The following SNTG1 variants were observed in gnomAD, a reference collection of about 807,000 sequenced individuals.
SNTG1 encodes the protein syntrophin gamma 1, also known as gamma-1-syntrophin.
In SNTG1, 39 loss-of-function variants were observed where a neutral mutation model predicts 74.7. That is an observed-to-expected ratio of 0.52 (90% CI 0.40 to 0.68). SNTG1 has a LOEUF of 0.68. Ranked by LOEUF, SNTG1 falls within the 30% of genes least tolerant of loss-of-function variation. SNTG1 has a pLI of 0.00. For synonymous variants in SNTG1, 254 were observed against 217.1 expected (o/e 1.17, Z -1.49); for missense variants, 685 against 609.5 (o/e 1.12, Z -1.30).
intron 15 of SNTG1, among the ~76,000 whole-genome samples, chr8:50,665,126 C>T (rs911658111): frequency 6.6e-6 from 1 of 151,960 alleles, no homozygotes; most frequent in Admixed American, 6.6e-5. Flanking sequence ...TACAGTCACA[C>T]TGATATTCAT....
At chr8:50,749,875 T>C (rs2095563329) in intron 17 of SNTG1, among the ~76,000 whole-genome samples, 1 of 152,064 alleles carries the variant, frequency 6.6e-6, no homozygotes, top group South Asian at 2.1e-4. Flanking sequence ...AGGAGGCTAA[T>C]GTCTTCTTGT....
chr8:50,718,090 T>C (rs1418150923), intron 17 of SNTG1, among the ~76,000 whole-genome samples: 3 of 152,020 alleles, frequency 2.0e-5, no homozygotes. Context: ...GCAAAGAGAG[T>C]TCAGGATAAC....
intron 9 of SNTG1, among the ~76,000 whole-genome samples, chr8:50,512,329 C>A (rs1307125968): frequency 3.3e-5 from 5 of 151,698 alleles, no homozygotes; most frequent in Non-Finnish European, 5.9e-5. Flanking sequence ...CCCGACCTTT[C>A]TCTCTGGCTG....
chr8:50,203,642 G>C (rs1029485488), intron 2 of SNTG1, among the ~76,000 whole-genome samples: 1 of 152,014 alleles, frequency 6.6e-6, no homozygotes, highest in African/African-American at 2.4e-5. Flanking sequence ...TTTTATTTGG[G>C]CATTTGTAAT....
intron 9 of SNTG1, among the ~76,000 whole-genome samples, chr8:50,524,461 G>A (rs923550590): frequency 7.9e-5 from 12 of 152,046 alleles, no homozygotes; most frequent in South Asian, 2.1e-4. Context: ...ACTATTAACC[G>A]TTTTTAAGTA....
chr8:50,057,441 T>C (rs1426105884), intron 1 of SNTG1, among the ~76,000 whole-genome samples: 1 of 152,128 alleles, frequency 6.6e-6, no homozygotes, highest in Non-Finnish European at 1.5e-5. Context: ...TTCATCTTTC[T>C]AACTTTATTT....
intron 2 of SNTG1, among the ~76,000 whole-genome samples, chr8:50,182,810 C>T (rs1163003765): frequency 6.6e-6 from 1 of 152,094 alleles, no homozygotes; most frequent in Non-Finnish European, 1.5e-5. Flanking sequence ...AAACCTGCAT[C>T]CCATATCACT....
chr8:50,690,414 T>A lies in SNTG1; in HGVS notation c.1039-14186T>A, dbSNP rs144129163. On this transcript the variant is annotated intron_variant, in intron 15 of 18. Coordinates refer to ENST00000642720, the MANE Select transcript of SNTG1 (RefSeq NM_018967.5). The stretch of plus-strand genomic sequence containing the variant: ...CTATAAAATTCCCTCTACACACTGG[T>A]TTGAATGTGTCCCAGAGTTTCTGGT... Among the ~76,000 whole-genome samples, 729 of 152,264 alleles carry A rather than the reference T, an allele frequency of 4.8e-3. 4 individuals are homozygous for A. The highest frequency in any genetic ancestry group is 0.016 in the African/African-American group (674 of 41,544).
intron 2 of SNTG1, among the ~76,000 whole-genome samples, chr8:50,361,082 C>A (rs1172338011): frequency 6.6e-6 from 1 of 151,962 alleles, no homozygotes; most frequent in Admixed American, 6.6e-5. Flanking sequence ...AAAATATTTT[C>A]TTTCATATAT....
At chr8:50,562,028 A>G (rs944582191) in intron 12 of SNTG1, among the ~76,000 whole-genome samples, 1 of 152,232 alleles carries the variant, frequency 6.6e-6, no homozygotes, top group Non-Finnish European at 1.5e-5. Context: ...ATAACTGTTC[A>G]TACATTTTAA....
At chr8:50,064,391 A>T (rs895960070) in intron 1 of SNTG1, among the ~76,000 whole-genome samples, 5 of 151,790 alleles carry the variant, frequency 3.3e-5, no homozygotes, top group African/African-American at 1.2e-4. Flanking sequence ...AACTAAACCC[A>T]TCTCCTTCTG....
intron 13 of SNTG1, among the ~76,000 whole-genome samples, chr8:50,648,053 A>G (rs1238307786): frequency 6.6e-6 from 1 of 152,176 alleles, no homozygotes; most frequent in Admixed American, 6.6e-5. Context: ...ACTTTTTGGC[A>G]TCTGAGACCA....
intron 1 of SNTG1, among the ~76,000 whole-genome samples, chr8:50,089,042 T>C (rs1823204200): frequency 6.6e-6 from 1 of 151,718 alleles, no homozygotes; most frequent in Admixed American, 6.6e-5. Flanking sequence ...AGCATGGTAC[T>C]GGTACCAAAA....
intron 2 of SNTG1, among the ~76,000 whole-genome samples, chr8:50,321,340 G>C (rs538417786): frequency 6.6e-6 from 1 of 152,070 alleles, no homozygotes. Flanking sequence ...TCTGATATAA[G>C]TGTAGCAACT....
intron 13 of SNTG1, among the ~76,000 whole-genome samples, chr8:50,613,269 G>A (rs2094863830): frequency 6.6e-6 from 1 of 152,032 alleles, no homozygotes; most frequent in Non-Finnish European, 1.5e-5. Flanking sequence ...GGTATTGATG[G>A]CTCAAAATTT....
At chr8:49,999,892 AC>A (rs1295695916) in intron 1 of SNTG1, among the ~76,000 whole-genome samples, 1 of 152,170 alleles carries the variant, frequency 6.6e-6, no homozygotes, top group Non-Finnish European at 1.5e-5. Flanking sequence ...CTTTTTAGGA[AC>A]TTGAATGATT....
At chr8:50,384,071 C>A (rs1208212602) in intron 2 of SNTG1, among the ~76,000 whole-genome samples, 2 of 152,184 alleles carry the variant, frequency 1.3e-5, no homozygotes, top group African/African-American at 4.8e-5. Context: ...AGAGGCACTA[C>A]CCTCATTTCC....
intron 10 of SNTG1, among the ~76,000 whole-genome samples, chr8:50,533,236 A>G (rs1052672168): frequency 3.3e-5 from 5 of 152,212 alleles, no homozygotes; most frequent in Non-Finnish European, 7.3e-5. Flanking sequence ...TAATCAGCCA[A>G]CCAGACTGAG....
At chr8:50,137,017 G>A (rs951795032) in intron 1 of SNTG1, among the ~76,000 whole-genome samples, 4 of 152,018 alleles carry the variant, frequency 2.6e-5, no homozygotes, top group Non-Finnish European at 4.4e-5. Context: ...GATATACAGA[G>A]AGCATCCCAA....
Sources: gnomAD v4.1 joint callset for allele counts (sites outside exome capture counted in the v4.1 genomes callset) on GRCh38, gnomAD v4.1.1 for gene constraint, MANE v1.5 for transcripts, NCBI Gene and HGNC (gene_info 2026-07-23, HGNC 2026-07-21) for gene names.